The following SRFBP1 variants were observed in gnomAD, a reference collection of about 807,000 sequenced individuals.
SRFBP1 encodes serum response factor-binding protein 1.
SRFBP1 carries 47 observed loss-of-function variants against 45.5 expected under a neutral mutation model. That is an observed-to-expected ratio of 1.03 (90% confidence interval 0.82 to 1.32). SRFBP1 has a LOEUF of 1.32. Among genes scored for constraint, SRFBP1 ranks in the 40% most tolerant of loss-of-function variants. The probability of loss-of-function intolerance (pLI) is 0.00; values close to 1 mark genes in which losing one functional copy is unlikely to be tolerated. For synonymous variants in SRFBP1, 203 were observed against 166.3 expected, an observed-to-expected ratio of 1.22 and a Z score of -1.70; for missense variants, 621 against 484.6, an observed-to-expected ratio of 1.28 and a Z score of -2.64.
At chr5:121,965,879 G>T (rs1271297692) in intron 1 of SRFBP1, among the ~76,000 whole-genome samples, 1 of 152,130 alleles carries the variant, frequency 6.6e-6, no homozygotes, top group African/African-American at 2.4e-5. Context: ...ACAGTGGTTT[G>T]TAGTTCTTGA....
chr5:122,009,188 A>G (rs571230072), intron 4 of SRFBP1, among the ~76,000 whole-genome samples: 221 of 152,244 alleles, frequency 1.5e-3, no homozygotes, highest in African/African-American at 5.1e-3. Flanking sequence ...TCATTTGCAT[A>G]TCCACTTTTA....
intron 4 of SRFBP1, among the ~76,000 whole-genome samples, chr5:121,998,817 A>G (rs1752792594): frequency 1.3e-5 from 2 of 152,358 alleles, no homozygotes; most frequent in Middle Eastern, 3.4e-3. Flanking sequence ...TTAGGTGATT[A>G]AGAACACACC....
chr5:122,039,118 C>G (rs138956713), intron 2 of SRFBP1, among the ~76,000 whole-genome samples: 259 of 152,282 alleles, frequency 1.7e-3, no homozygotes, highest in African/African-American at 5.9e-3. Context: ...GATATCGTAA[C>G]TATAACAGAA....
downstream of SRFBP1, among the ~76,000 whole-genome samples, chr5:122,031,270 C>T (rs1391116035): frequency 6.6e-6 from 1 of 152,026 alleles, no homozygotes; most frequent in Non-Finnish European, 1.5e-5. Context: ...AACAGCAAAA[C>T]CTGGTGAGGA....
At chr5:122,072,483 A>C (rs900037542) in intron 2 of SRFBP1, among the ~76,000 whole-genome samples, 5 of 152,178 alleles carry the variant, frequency 3.3e-5, no homozygotes, top group African/African-American at 1.2e-4. Flanking sequence ...TTAATATGTA[A>C]ATTTTTGTCT....
intron 4 of SRFBP1, among the ~76,000 whole-genome samples, chr5:122,005,091 C>G (rs558130415): frequency 2.4e-4 from 37 of 152,144 alleles, no homozygotes; most frequent in Non-Finnish European, 4.4e-4. Flanking sequence ...GGAGAATGTT[C>G]CTTGTGTTCT....
chr5:121,975,185 G>A lies in SRFBP1; in HGVS notation c.126-130G>A, dbSNP rs978039557. The A allele has an allele frequency of 7.6e-6, 7 of 925,254 alleles. No homozygotes were observed. The Admixed American group carries it at 1.2e-4, about 16-fold the overall frequency. 57.3% of individuals were successfully genotyped at this position (925,254 alleles called of 1,614,324 possible). The stretch of plus-strand genomic sequence containing the variant: ...GGGAGTGGGGGAAATGGACAGTGTA[G>A]GATAGTGGCGTGTTTGTTATTTAGA... On this transcript the variant is annotated intron_variant, in intron 2 of 7. Transcript: ENST00000339397.
downstream of SRFBP1, among the ~76,000 whole-genome samples, chr5:122,030,766 AC>A (rs1753578093): frequency 6.6e-6 from 1 of 152,054 alleles, no homozygotes; most frequent in African/African-American, 2.4e-5. Flanking sequence ...TTTTTCTATT[AC>A]TCTTTTTAAC....
intron 4 of SRFBP1, among the ~76,000 whole-genome samples, chr5:122,017,304 C>T (rs1753210858): frequency 3.9e-5 from 6 of 152,148 alleles, no homozygotes; most frequent in African/African-American, 1.4e-4. Flanking sequence ...GTCAGTGAGG[C>T]CACACTTTCT....
intron 3 of SRFBP1, among the ~76,000 whole-genome samples, chr5:121,984,403 C>T (rs9327238): frequency 0.88 from 133,914 of 151,728 alleles, 59,185 homozygotes; most frequent in East Asian, 0.96. Flanking sequence ...CACATCTTTC[C>T]TTTTGTTACT....
At chr5:121,980,797 T>C (rs1293233354) in intron 3 of SRFBP1, among the ~76,000 whole-genome samples, 1 of 152,162 alleles carries the variant, frequency 6.6e-6, no homozygotes, top group Non-Finnish European at 1.5e-5. Flanking sequence ...TTTACATCTT[T>C]TGTCTTTCAG....
At chr5:122,037,082 GA>G in intron 2 of SRFBP1, among the ~76,000 whole-genome samples, 1 of 152,156 alleles carries the variant, frequency 6.6e-6, no homozygotes, top group South Asian at 2.1e-4. Flanking sequence ...ATTTTTGGTA[GA>G]AACAGGGTTT....
intron 2 of SRFBP1, among the ~76,000 whole-genome samples, chr5:122,038,891 G>A (rs574815769): frequency 1.3e-5 from 2 of 152,168 alleles, no homozygotes; most frequent in South Asian, 4.1e-4. Flanking sequence ...CAGGGAAGAG[G>A]TGGGATGCAA....
downstream of SRFBP1, chr5:122,076,990 G>A (rs992964699): frequency 5.6e-6 from 9 of 1,613,602 alleles, no homozygotes; most frequent in Non-Finnish European, 7.6e-6. Context: ...TCGGCCACCA[G>A]GTCTGGGAGA....
Position 121,980,668 on chromosome 5 carries a change from A to T in SRFBP1, c.198+5281A>T, listed in dbSNP as rs1357865550. On this transcript the variant is annotated intron_variant, in intron 3 of 7. Coordinates refer to ENST00000339397, the MANE Select transcript of SRFBP1 (RefSeq NM_152546.3). ...GGTAATTTTGGACTGTACCCTGGAC[A>T]TTATGAAGTCGCAGAGATCCTGGAT... Among the ~76,000 whole-genome samples the T allele has an allele frequency of 3.3e-5, 5 of 152,130 alleles. No homozygotes were observed. The East Asian group carries it at 5.8e-4, about 18-fold the overall frequency.
At chr5:121,976,881 AT>A (rs1362181367) in intron 3 of SRFBP1, among the ~76,000 whole-genome samples, 2 of 150,256 alleles carry the variant, frequency 1.3e-5, no homozygotes, top group South Asian at 2.1e-4. Flanking sequence ...TATATAAAAA[AT>A]ATATACATAC....
chr5:122,025,701 G>A (rs1228086629), intron 7 of SRFBP1, among the ~76,000 whole-genome samples: 1 of 152,146 alleles, frequency 6.6e-6, no homozygotes, highest in Non-Finnish European at 1.5e-5. Flanking sequence ...TGTAAGATAA[G>A]GGTTGTTTTG....
In SRFBP1 at chr5:122,019,321, A is replaced by G; in HGVS notation, c.332A>G (p.Lys111Arg). The G allele has an allele frequency of 6.2e-7, 1 of 1,612,458 alleles. No individual in the cohort carries two copies. Among genetic ancestry groups the G allele is most frequent in the East Asian group, 2.2e-5 (1 of 44,676 alleles). ...CTAGCAGTACATCCTCTTCTGAAGA[A>G]AAAGATAGATGTGCTAAAAGGTATG... The part of the protein sequence containing the change: ...ARLAVHPLLK[K>R]KIDVLKAAVQ... Residue 111 changes from lysine (K) to arginine (R), a missense_variant, in exon 5 of 8, where the codon AAA (lysine) becomes AGA (arginine). Lys to Arg is a conservative substitution (Grantham distance 26). Coordinates refer to ENST00000339397, the MANE Select transcript of SRFBP1 (RefSeq NM_152546.3).
chr5:122,015,814 C>G (rs1445873281), intron 4 of SRFBP1, among the ~76,000 whole-genome samples: 2 of 152,162 alleles, frequency 1.3e-5, no homozygotes, highest in Non-Finnish European at 2.9e-5. Context: ...TGTTTATGTA[C>G]TGTATTAGCT....
Sources: gnomAD v4.1 joint callset for allele counts (sites outside exome capture counted in the v4.1 genomes callset) on GRCh38, gnomAD v4.1.1 for gene constraint, MANE v1.5 for transcripts, NCBI Gene and HGNC (gene_info 2026-07-23, HGNC 2026-07-21) for gene names.